Variants in ZPBP observed in about 807,000 individuals in gnomAD.
ZPBP encodes zona pellucida-binding protein 1.
In ZPBP, 26 loss-of-function variants were observed where a neutral mutation model predicts 44.8. The observed-to-expected ratio is 0.58, with a 90% CI of 0.43 to 0.81. The LOEUF is 0.81. Ranked by LOEUF, ZPBP falls within the 30% of genes least tolerant of loss-of-function variation. The pLI, the probability that ZPBP is intolerant of heterozygous loss-of-function variation, is 0.00. For synonymous variants in ZPBP, 174 were observed against 153.2 expected (o/e 1.14, Z -1.00); for missense variants, 409 against 434.0 (o/e 0.94, Z 0.51).
At chr7:50,013,645 A>G (rs1798683506) in intron 6 of ZPBP, among the ~76,000 whole-genome samples, 1 of 152,028 alleles carries the variant, frequency 6.6e-6, no homozygotes, top group Non-Finnish European at 1.5e-5. Flanking sequence ...ACTTTACCCA[A>G]TTAAAATCTT....
At chr7:49,991,937 A>G (rs1460759326) in intron 6 of ZPBP, among the ~76,000 whole-genome samples, 1 of 152,010 alleles carries the variant, frequency 6.6e-6, no homozygotes, top group Non-Finnish European at 1.5e-5. Flanking sequence ...GGGAAAAAGA[A>G]AAGTAAGAAT....
intron 4 of ZPBP, among the ~76,000 whole-genome samples, chr7:50,035,581 T>C (rs1400232990): frequency 6.6e-6 from 1 of 152,096 alleles, no homozygotes; most frequent in Admixed American, 6.6e-5. Context: ...AATTGACAAG[T>C]GCACAAAAAC....
intron 7 of ZPBP, among the ~76,000 whole-genome samples, chr7:49,953,176 A>G (rs1005816016): frequency 6.6e-6 from 1 of 152,120 alleles, no homozygotes; most frequent in Non-Finnish European, 1.5e-5. Flanking sequence ...AATTAAGGAG[A>G]CCAACCTAAG....
At chr7:49,911,918 T>TATACGCACACAC (rs1554344972) in intron 1 of ZPBP, 3 of 223,018 alleles carry the variant, frequency 1.3e-5, no homozygotes, top group Non-Finnish European at 1.8e-5. Flanking sequence ...AACAAACAAA[T>TATACGCACACAC]ACACGCACAC....
intron 1 of ZPBP, among the ~76,000 whole-genome samples, chr7:49,907,367 A>G (rs1793160502): frequency 6.6e-6 from 1 of 152,192 alleles, no homozygotes; most frequent in South Asian, 2.1e-4. Context: ...GTGACTTTTG[A>G]GCAAAATATG....
intron 4 of ZPBP, among the ~76,000 whole-genome samples, chr7:50,048,188 T>C (rs1437602551): frequency 6.6e-6 from 1 of 152,140 alleles, no homozygotes; most frequent in African/African-American, 2.4e-5. Context: ...GGACTTTTAT[T>C]ATGATAAAAA....
intron 6 of ZPBP, among the ~76,000 whole-genome samples, chr7:49,992,713 A>G: frequency 6.6e-6 from 1 of 152,272 alleles, no homozygotes; most frequent in Non-Finnish European, 1.5e-5. Flanking sequence ...TGTACCGCTG[A>G]ACAGAAAAGC....
intron 6 of ZPBP, among the ~76,000 whole-genome samples, chr7:50,005,443 A>G (rs1469043790): frequency 6.6e-6 from 1 of 152,082 alleles, no homozygotes; most frequent in African/African-American, 2.4e-5. Flanking sequence ...ATTTATATTA[A>G]TGGACACACA....
intron 4 of ZPBP, among the ~76,000 whole-genome samples, chr7:50,034,775 T>C (rs1234655733): frequency 6.6e-6 from 1 of 152,198 alleles, no homozygotes; most frequent in Non-Finnish European, 1.5e-5. Context: ...TCCTTTCTAC[T>C]TGTTTCAATC....
chr7:49,980,704 G>T (rs551167012), intron 7 of ZPBP, among the ~76,000 whole-genome samples: 1 of 152,108 alleles, frequency 6.6e-6, no homozygotes, highest in South Asian at 2.1e-4. Flanking sequence ...CCCCGAGGGA[G>T]AATATTAATC....
intron 5 of ZPBP, among the ~76,000 whole-genome samples, chr7:50,021,760 T>G (rs1050229025): frequency 6.6e-6 from 1 of 152,216 alleles, no homozygotes; most frequent in African/African-American, 2.4e-5. Context: ...TTGCTGAACA[T>G]GCAGAGATAC....
chr7:49,882,282 C>T (rs1583747241), intron 2 of ZPBP, among the ~76,000 whole-genome samples: 1 of 152,242 alleles, frequency 6.6e-6, no homozygotes, highest in East Asian at 1.9e-4. Context: ...TTGGCTATTT[C>T]TCTTTGTTCT....
intron 7 of ZPBP, among the ~76,000 whole-genome samples, chr7:49,959,736 T>C (rs914698052): frequency 2.0e-5 from 3 of 152,182 alleles, no homozygotes; most frequent in Non-Finnish European, 4.4e-5. Context: ...TTTGTAGAAA[T>C]TGATATGTTA....
intron 3 of ZPBP, among the ~76,000 whole-genome samples, chr7:50,080,306 A>G (rs1802293732): frequency 6.6e-6 from 1 of 151,714 alleles, no homozygotes; most frequent in Admixed American, 6.6e-5. Context: ...ATAAAGTTAA[A>G]ATACCAGAAT....
chr7:49,855,786 A>C (rs1284870585), intron 2 of ZPBP, among the ~76,000 whole-genome samples: 1 of 152,184 alleles, frequency 6.6e-6, no homozygotes, highest in Non-Finnish European at 1.5e-5. Context: ...CAGCCCTCCC[A>C]GCTGCCCTCA....
intron 3 of ZPBP, among the ~76,000 whole-genome samples, chr7:50,079,613 A>G (rs894629900): frequency 6.6e-6 from 1 of 151,612 alleles, no homozygotes; most frequent in East Asian, 1.9e-4. Context: ...TATAAGATGA[A>G]TAAGTTCAGG....
intron 1 of ZPBP, among the ~76,000 whole-genome samples, chr7:49,930,387 C>T (rs536830325): frequency 1.1e-4 from 17 of 152,190 alleles, no homozygotes; most frequent in South Asian, 2.1e-4. Context: ...TCACAAACTC[C>T]GGCAAATTAA....
intron 7 of ZPBP, among the ~76,000 whole-genome samples, chr7:49,970,407 T>C (rs1020553578): frequency 6.9e-6 from 1 of 143,930 alleles, no homozygotes; most frequent in African/African-American, 2.6e-5. Flanking sequence ...TAAAAAACAC[T>C]ATAAACCAAT....
chr7:50,048,911 T>C (rs1463560674), intron 4 of ZPBP, among the ~76,000 whole-genome samples: 4 of 151,492 alleles, frequency 2.6e-5, no homozygotes, highest in Admixed American at 6.6e-5. Context: ...TTTTAAGAAA[T>C]CAACAGAATT....
Sources: gnomAD v4.1 joint callset for allele counts (sites outside exome capture counted in the v4.1 genomes callset) on GRCh38, gnomAD v4.1.1 for gene constraint, MANE v1.5 for transcripts, NCBI Gene and HGNC (gene_info 2026-07-23, HGNC 2026-07-21) for gene names.